The following PHF3 variants were observed in gnomAD, a reference collection of about 807,000 sequenced individuals.
The protein encoded by PHF3 is PHD finger protein 3.
PHF3 carries 41 observed loss-of-function variants against 178.4 expected under a neutral mutation model. The observed-to-expected ratio is 0.23, with a 90% CI of 0.18 to 0.30. The LOEUF is 0.30. Among genes scored for constraint, PHF3 ranks in the 10% least tolerant of loss-of-function variants. PHF3 has a pLI of 1.00. For synonymous variants in PHF3, 842 were observed against 800.5 expected (o/e 1.05, Z -0.88); for missense variants, 2,346 against 2,398.1 (o/e 0.98, Z 0.45).
intron 6 of PHF3, among the ~76,000 whole-genome samples, chr6:63,697,036 A>G (rs1767260053): frequency 6.6e-6 from 1 of 152,168 alleles, no homozygotes; most frequent in Non-Finnish European, 1.5e-5. Context: ...TTGTAAGACT[A>G]ATGGGAATGA....
intron 2 of PHF3, among the ~76,000 whole-genome samples, chr6:63,655,846 T>G (rs191408942): frequency 6.6e-6 from 1 of 152,322 alleles, no homozygotes; most frequent in Non-Finnish European, 1.5e-5. Flanking sequence ...TTTTGCTATG[T>G]TGCCCAGGCT....
Position 63,724,299 on chromosome 6 carries a change from A to T in PHF3, c.*10591A>T, listed in dbSNP as rs888145608. On this transcript the variant is annotated 3_prime_UTR_variant, in exon 16 of 16. Transcript: ENST00000262043. ...GCTATCCCACCGTGCTTTATTATAG[A>T]TAAGAGAAACCTTGTAGGACCTAAT... is the stretch of plus-strand genomic sequence containing the variant. Among the ~76,000 whole-genome samples the T allele has an allele frequency of 5.3e-5, 8 of 152,238 alleles. No homozygotes were observed. Among genetic ancestry groups the T allele is most frequent in the Admixed American group, 3.3e-4 (5 of 15,276 alleles).
intron 1 of PHF3, among the ~76,000 whole-genome samples, chr6:63,646,205 A>G (rs1280272008): frequency 1.3e-5 from 2 of 152,116 alleles, no homozygotes; most frequent in Non-Finnish European, 2.9e-5. Context: ...GCTTTAAGCC[A>G]TGTAATTCTT....
chr6:63,685,194 C>G lies in PHF3; in HGVS notation c.1472C>G (p.Thr491Arg), dbSNP rs747198111. ...TCAAAAAGTGTAAAATCCAAACATA[C>G]AAAACCTGTAATTCATTCTAAGCAA... ...LESKSVKSKHTKPVIHSKQNM... is the reference protein window; with the variant it reads ...LESKSVKSKHRKPVIHSKQNM... Residue 491 changes from threonine to arginine, a missense_variant, in exon 4 of 16, where the codon ACA becomes AGA. Transcript: ENST00000262043. 3 of 1,613,890 alleles carry G rather than the reference C, an allele frequency of 1.9e-6. No homozygotes were observed. Among genetic ancestry groups the G allele is most frequent in the South Asian group, 1.1e-5 (1 of 91,072 alleles).
At position 63,685,240 on chromosome 6, in the gene PHF3, G is replaced by A; in HGVS notation, c.1518G>A (p.Pro506=). The A allele has an allele frequency of 1.2e-6, 2 of 1,613,806 alleles. No individual in the cohort carries two copies. Among genetic ancestry groups the A allele is most frequent in the South Asian group, 2.2e-5 (2 of 91,050 alleles). The change falls in exon 4 of 16, where the codon CCG becomes CCA. Residue 506 remains proline, a synonymous_variant. Coordinates refer to ENST00000262043, the MANE Select transcript of PHF3 (RefSeq NM_001370348.2). ...HSKQNMTTDA[P]KKIVAAKYEV... Reference sequence around the variant, plus strand: ...AGCAAAACATGACCACAGATGCTCCGAAGAAAATTGTTGCAGCAAAGTATG... The same window carrying A: ...AGCAAAACATGACCACAGATGCTCCAAAGAAAATTGTTGCAGCAAAGTATG...
chr6:63,704,060 A>T (rs1767591033), intron 11 of PHF3, among the ~76,000 whole-genome samples: 1 of 152,210 alleles, frequency 6.6e-6, no homozygotes. Flanking sequence ...AGAAACTGAA[A>T]TTACTTTTTT....
intron 2 of PHF3, among the ~76,000 whole-genome samples, chr6:63,661,571 A>G (rs929030613): frequency 5.3e-5 from 8 of 152,224 alleles, no homozygotes; most frequent in Non-Finnish European, 1.0e-4. Flanking sequence ...TTTTTCTTAT[A>G]TCCCTCAATA....
In PHF3 at chr6:63,641,440, C is replaced by A. The variant is rs1764568472; in HGVS notation, c.-25-5087C>A. Among the ~76,000 whole-genome samples, 4 of 151,988 alleles carry A rather than the reference C, an allele frequency of 2.6e-5. No homozygotes were observed. In the South Asian group the frequency reaches 8.3e-4, roughly 31 times the overall value. On this transcript the variant is annotated intron_variant, in intron 1 of 15. Transcript: ENST00000262043. ...CCCCCTACACACACACCCACAGACA[C>A]AAATGTAGACTACGTGAGAGACAAC...
rs1291431193 is a variant in PHF3, at chr6:63,685,119, A to C, written c.1397A>C (p.Asn466Thr). The change falls in exon 4 of 16, where the codon AAC becomes ACC. Residue 466 changes from asparagine (N) to threonine (T), a missense_variant. Asn to Thr is a moderately conservative substitution (Grantham distance 65). Transcript: ENST00000262043. Reference protein sequence around the residue: ...STKIESHETANLQDDRNSQSS... With the variant: ...STKIESHETATLQDDRNSQSS... The stretch of plus-strand genomic sequence containing the variant: ...AAAATAGAGTCCCATGAAACAGCAA[A>C]CCTTCAGGATGACAGAAACAGCCAG... 5 of 1,614,030 alleles carry C rather than the reference A, an allele frequency of 3.1e-6. No homozygotes were observed. The highest frequency in any genetic ancestry group is 4.2e-6 in the Non-Finnish European group (5 of 1,179,986).
intron 2 of PHF3, 118 bp downstream of exon 2, chr6:63,646,913 T>A: frequency 1.5e-6 from 1 of 687,522 alleles, no homozygotes. Context: ...AGGAGGGTAG[T>A]AAATTTAGGG....
chr6:63,720,621 C>T lies in PHF3; in HGVS notation c.*6913C>T, dbSNP rs1210659365. On this transcript the variant is annotated 3_prime_UTR_variant, in exon 16 of 16. Coordinates refer to ENST00000262043, the MANE Select transcript of PHF3 (RefSeq NM_001370348.2). Reference sequence around the variant, plus strand: ...TTATGTAACCTCATTTTGTTCATCTCCATCATAAACATTGTATCCTTCTAA... The same window carrying T: ...TTATGTAACCTCATTTTGTTCATCTTCATCATAAACATTGTATCCTTCTAA... The T allele has an allele frequency of 2.7e-6, 4 of 1,498,200 alleles. No individual in the cohort carries two copies. The African/African-American group carries it at 5.6e-5, about 21-fold the overall frequency. The allele number at this position is 1,498,200 out of a possible 1,614,324, so 92.8% of individuals were successfully genotyped here. A position where few individuals can be genotyped will look rare whatever the true frequency, so the allele number is the denominator to read the frequency against.
chr6:63,637,117 A>G (rs1295468370), intron 1 of PHF3, among the ~76,000 whole-genome samples: 1 of 152,256 alleles, frequency 6.6e-6, no homozygotes, highest in Non-Finnish European at 1.5e-5. Context: ...AATCTGCATT[A>G]CATGTAGCGA....
chr6:63,638,338 C>T (rs1764435305), intron 1 of PHF3, among the ~76,000 whole-genome samples: 1 of 152,008 alleles, frequency 6.6e-6, no homozygotes, highest in Non-Finnish European at 1.5e-5. Flanking sequence ...CTTGGAAAAA[C>T]TGGTGAATGA....
At chr6:63,683,809 G>A (rs1265356703) in intron 3 of PHF3, among the ~76,000 whole-genome samples, 2 of 151,932 alleles carry the variant, frequency 1.3e-5, no homozygotes, top group African/African-American at 2.4e-5. Flanking sequence ...TTTTACTTAC[G>A]TCACTCCTAG....
Position 63,713,448 on chromosome 6 carries a change from G to A in PHF3, c.5860G>A (p.Asp1954Asn). The A allele has an allele frequency of 6.2e-7, 1 of 1,613,920 alleles. No individual in the cohort carries two copies. The highest frequency in any genetic ancestry group is 8.5e-7 in the Non-Finnish European group (1 of 1,179,950). The part of the protein sequence containing the change: ...ERHRRRDRSQ[D>N]KDRDRKSREE... ...GCATAGACGCAGAGACAGAAGCCAAGACAAGGACAGAGACAGAAAAAGCAG... is the reference window on the plus strand; with the variant it reads ...GCATAGACGCAGAGACAGAAGCCAAAACAAGGACAGAGACAGAAAAAGCAG... The change falls in exon 16 of 16, where the codon GAC (aspartate) becomes AAC (asparagine). Residue 1954 changes from aspartate to asparagine, a missense_variant. Transcript: ENST00000262043.
In PHF3 at chr6:63,720,491, GGTAATATA is replaced by G; in HGVS notation, c.*6788_*6795del. 1 of 773,888 alleles carries G rather than the reference GGTAATATA, an allele frequency of 1.3e-6. No individual in the cohort carries two copies. The highest frequency in any genetic ancestry group is 2.0e-6 in the Non-Finnish European group (1 of 505,848). The allele number at this position is 773,888 out of a possible 1,614,324, so 47.9% of individuals were successfully genotyped here. On this transcript the variant is annotated 3_prime_UTR_variant, in exon 16 of 16. Transcript: ENST00000262043. ...ATATGTTAGCATTTAGACTATTTCA[GGTAATATA>G]GTAAACAGTTGATTCCCCGTAAGCA... is the stretch of plus-strand genomic sequence containing the variant.
rs747179083 is a variant in PHF3 at position 63,713,394 on chromosome 6, G to A, written c.5806G>A (p.Glu1936Lys). The stretch of plus-strand genomic sequence containing the variant: ...ACACCATTTGAAAAGAGAGCGACAT[G>A]AAAAGGAATGGGAGCAAGAATCTGA... Reference protein sequence around the residue: ...DSHHLKRERHEKEWEQESERH... With the variant: ...DSHHLKRERHKKEWEQESERH... Residue 1936 changes from glutamate (E) to lysine (K), a missense_variant, in exon 16 of 16, where the codon GAA (glutamate) becomes AAA (lysine). Around this residue, in one of 8 missense-constraint regions of PHF3, gnomAD observed 839 missense variants for 806.9 expected, o/e 1.04. Transcript: ENST00000262043. 6.2e-6 allele frequency: 10 copies of A among 1,613,914 alleles called. No individual in the cohort carries two copies. In the East Asian group the frequency reaches 1.6e-4, roughly 25 times the overall value.
In PHF3 at chr6:63,720,727, C is replaced by T; in HGVS notation, c.*7019C>T. 1 of 1,549,428 alleles carries T rather than the reference C, an allele frequency of 6.5e-7. No individual in the cohort carries two copies. The highest frequency in any genetic ancestry group is 1.7e-4 in the Middle Eastern group (1 of 5,984). ...CCAACAAAATTGGTTTTAAAAATCT[C>T]TTGAGTAACGATATTTACCTTTCTA... On this transcript the variant is annotated 3_prime_UTR_variant, in exon 16 of 16. Coordinates refer to ENST00000262043, the MANE Select transcript of PHF3 (RefSeq NM_001370348.2).
chr6:63,694,959 T>C (rs1392440211), intron 6 of PHF3, among the ~76,000 whole-genome samples, 195 bp downstream of exon 6: 1 of 152,176 alleles, frequency 6.6e-6, no homozygotes, highest in African/African-American at 2.4e-5. Flanking sequence ...GGGGAAGCGC[T>C]AGTGAAATTA....
Sources: allele counts gnomAD v4.1 joint callset (sites outside exome capture counted in the v4.1 genomes callset), GRCh38; gene constraint gnomAD v4.1.1; regional missense constraint gnomAD v4.1.1; transcripts MANE v1.5; gene names NCBI Gene and HGNC (gene_info 2026-07-23, HGNC 2026-07-21).